Variants in SRBD1 observed in about 807,000 individuals in gnomAD.
The protein encoded by SRBD1 is S1 RNA binding domain 1, also known as S1 RNA-binding domain-containing protein 1.
SRBD1 carries 88 observed loss-of-function variants against 115.3 expected under a neutral mutation model. The observed-to-expected ratio is 0.76, with a 90% CI of 0.64 to 0.91. The LOEUF (loss-of-function observed/expected upper bound fraction) is 0.91, where lower values mean the gene tolerates loss of function less well. Among genes scored for constraint, SRBD1 ranks in the 40% least tolerant of loss-of-function variants. The pLI is 0.00. For synonymous variants in SRBD1, 509 were observed against 407.7 expected, an observed-to-expected ratio of 1.25 and a Z score of -2.99; for missense variants, 1,385 against 1,177.4, an observed-to-expected ratio of 1.18 and a Z score of -2.58.
At chr2:45,545,006 C>T (rs567064202) in intron 14 of SRBD1, among the ~76,000 whole-genome samples, 2 of 152,020 alleles carry the variant, frequency 1.3e-5, no homozygotes, top group East Asian at 1.9e-4. Flanking sequence ...TGAGGCCGGG[C>T]GCGGTGGCTC....
chr2:45,530,251 C>T (rs764661708), intron 14 of SRBD1, among the ~76,000 whole-genome samples: 2 of 152,008 alleles, frequency 1.3e-5, no homozygotes, highest in African/African-American at 2.4e-5. Flanking sequence ...AGTTGCTTAT[C>T]ACTAAGTAAT....
chr2:45,551,254 C>A lies in SRBD1; in HGVS notation c.1546G>T (p.Glu516Ter). The A allele has an allele frequency of 8.1e-6, 13 of 1,605,202 alleles. No homozygotes were observed. The highest frequency in any genetic ancestry group is 1.1e-5 in the Non-Finnish European group (13 of 1,178,242). Residue 516 changes from glutamate to a stop codon, truncating the protein, a stop_gained, in exon 12 of 21, where the codon GAA becomes TAA. Coordinates refer to ENST00000263736, the MANE Select transcript of SRBD1 (RefSeq NM_018079.5). LOFTEE classifies it high-confidence loss of function. The stretch of plus-strand genomic sequence containing the variant: ...TTCCGTCCAAACATCATTACTGATT[C>A]CTTCTCTGCATCTGATGTTAGTTTG... ...RAKLTSDAEK[E>*]SVMMFGRNLR... is the part of the protein sequence containing the mutation.
At chr2:45,551,362 C>T in intron 11 of SRBD1, 80 bp from the exon 12 acceptor site, 1 of 1,331,198 alleles carries the variant, frequency 7.5e-7, no homozygotes, top group East Asian at 2.5e-5. Flanking sequence ...TCATTTTGTA[C>T]AATTATTTCT....
intron 9 of SRBD1, among the ~76,000 whole-genome samples, chr2:45,564,514 A>G (rs1558481560): frequency 6.6e-6 from 1 of 152,212 alleles, no homozygotes; most frequent in South Asian, 2.1e-4. Flanking sequence ...TAAGCAATCC[A>G]CTACAAAACT....
intron 19 of SRBD1, among the ~76,000 whole-genome samples, chr2:45,411,475 T>C (rs1170643404): frequency 2.0e-5 from 3 of 151,986 alleles, no homozygotes; most frequent in African/African-American, 7.3e-5. Context: ...CACAGATGAG[T>C]ACAATTGTAT....
At chr2:45,489,697 G>T (rs1670234288) in intron 14 of SRBD1, among the ~76,000 whole-genome samples, 1 of 152,102 alleles carries the variant, frequency 6.6e-6, no homozygotes, top group Non-Finnish European at 1.5e-5. Context: ...AATGGAGTAG[G>T]TTCCATTTTG....
chr2:45,399,775 A>G (rs938498270), intron 19 of SRBD1, among the ~76,000 whole-genome samples: 2 of 152,266 alleles, frequency 1.3e-5, no homozygotes, highest in Non-Finnish European at 2.9e-5. Flanking sequence ...GAGTTGGACA[A>G]AATTAAGTTA....
At chr2:45,595,251 G>A (rs1328136383) in intron 4 of SRBD1, among the ~76,000 whole-genome samples, 3 of 152,202 alleles carry the variant, frequency 2.0e-5, no homozygotes, top group Admixed American at 1.3e-4. Context: ...TTTCAGAGTT[G>A]AGAAATACAC....
intron 16 of SRBD1, among the ~76,000 whole-genome samples, chr2:45,459,270 A>G (rs1669242688): frequency 1.3e-5 from 2 of 152,174 alleles, no homozygotes; most frequent in Non-Finnish European, 2.9e-5. Context: ...ATTCAACTTT[A>G]AATGCCTATC....
chr2:45,545,797 G>C (rs1203145389), intron 14 of SRBD1, among the ~76,000 whole-genome samples: 2 of 152,148 alleles, frequency 1.3e-5, no homozygotes, highest in African/African-American at 4.8e-5. Context: ...CCCTGAGTTT[G>C]TTTTTCTGAC....
intron 14 of SRBD1, among the ~76,000 whole-genome samples, chr2:45,517,423 A>G (rs1261303738): frequency 6.6e-6 from 1 of 152,244 alleles, no homozygotes; most frequent in African/African-American, 2.4e-5. Context: ...CAAGTAGGTT[A>G]CAGCAGAGCA....
At chr2:45,610,107 T>C (rs1349337032) in intron 1 of SRBD1, among the ~76,000 whole-genome samples, 2 of 152,212 alleles carry the variant, frequency 1.3e-5, no homozygotes, top group Non-Finnish European at 2.9e-5. Flanking sequence ...TTGGGATTTT[T>C]CCCTCCTTTC....
intron 9 of SRBD1, among the ~76,000 whole-genome samples, chr2:45,568,224 G>T (rs914195124): frequency 3.3e-5 from 5 of 152,030 alleles, no homozygotes; most frequent in African/African-American, 1.2e-4. Flanking sequence ...ATTTGAAAAA[G>T]AAAGAAAAAA....
chr2:45,581,755 T>A lies in SRBD1; in HGVS notation c.871A>T (p.Met291Leu). Residue 291 changes from methionine (M) to leucine (L), a missense_variant, in exon 6 of 21, where the codon ATG (methionine) becomes TTG (leucine). Physicochemically the swap from Met to Leu is conservative, Grantham distance 15. Coordinates refer to ENST00000263736, the MANE Select transcript of SRBD1 (RefSeq NM_018079.5). ...TIQKIKKEGK[M>L]SECLLKAMLN... ...ATGGCTTTTAACAAGCACTCAGACATCTTCCCTTCCTTCTTAATTTTCTGG... is the reference window on the plus strand; with the variant it reads ...ATGGCTTTTAACAAGCACTCAGACAACTTCCCTTCCTTCTTAATTTTCTGG... The A allele has an allele frequency of 2.5e-6, 4 of 1,613,630 alleles. No homozygotes were observed. The highest frequency in any genetic ancestry group is 3.4e-6 in the Non-Finnish European group (4 of 1,179,802).
chr2:45,529,740 T>C (rs1671555650), intron 14 of SRBD1, among the ~76,000 whole-genome samples: 1 of 151,986 alleles, frequency 6.6e-6, no homozygotes, highest in African/African-American at 2.4e-5. Flanking sequence ...GGGTTCCTCT[T>C]GTATAATCAG....
intron 16 of SRBD1, among the ~76,000 whole-genome samples, chr2:45,453,232 TATATATACTTTGA>T (rs1669048789): frequency 6.7e-6 from 1 of 148,392 alleles, no homozygotes; most frequent in Non-Finnish European, 1.5e-5. Flanking sequence ...CCGAGCTTTG[TATATATACTTTGA>T]CTGACTTCAA....
intron 19 of SRBD1, among the ~76,000 whole-genome samples, chr2:45,405,686 C>A (rs1455196912): frequency 6.6e-6 from 1 of 151,846 alleles, no homozygotes; most frequent in Non-Finnish European, 1.5e-5. Flanking sequence ...GAAAGAGAAA[C>A]CAGAGACAAC....
intron 5 of SRBD1, among the ~76,000 whole-genome samples, chr2:45,584,873 G>A (rs147994348): frequency 1.7e-3 from 263 of 152,242 alleles, no homozygotes; most frequent in African/African-American, 5.0e-3. Context: ...GAAAAAGGCT[G>A]GGCATGGTGG....
At chr2:45,532,152 G>A (rs1016009141) in intron 14 of SRBD1, among the ~76,000 whole-genome samples, 14 of 149,322 alleles carry the variant, frequency 9.4e-5, no homozygotes, top group Non-Finnish European at 1.6e-4. Context: ...TTGCCATGCC[G>A]CTGCCATCAC....
Sources: gnomAD v4.1 joint callset for allele counts (sites outside exome capture counted in the v4.1 genomes callset) on GRCh38, gnomAD v4.1.1 for gene constraint, MANE v1.5 for transcripts, NCBI Gene and HGNC (gene_info 2026-07-23, HGNC 2026-07-21) for gene names.